CNTNAP5: variants seen among roughly 807,000 people sequenced by gnomAD.
CNTNAP5 encodes contactin-associated protein-like 5.
CNTNAP5 carries 72 observed loss-of-function variants against 150.2 expected under a neutral mutation model. The ratio of observed to expected loss-of-function variants is 0.48; its 90% CI spans 0.40 to 0.58. The LOEUF is 0.58. CNTNAP5 is among the 20% of genes least tolerant of loss of function. The pLI, the probability that CNTNAP5 is intolerant of heterozygous loss-of-function variation, is 0.00. For missense variants in CNTNAP5, 1,636 were observed against 1,626.2 expected (o/e 1.01, Z -0.10); for synonymous variants, 672 against 619.8 (o/e 1.08, Z -1.25).
intron 21 of CNTNAP5, among the ~76,000 whole-genome samples, chr2:124,894,175 A>G (rs902552973): frequency 3.0e-4 from 45 of 152,266 alleles, no homozygotes; most frequent in African/African-American, 1.0e-3. Flanking sequence ...AACAAATAAA[A>G]TTTGCAATAT....
intron 5 of CNTNAP5, among the ~76,000 whole-genome samples, chr2:124,439,751 A>C (rs1692629040): frequency 6.6e-6 from 1 of 152,140 alleles, no homozygotes. Flanking sequence ...CGTATTGCCC[A>C]ACAAAGTTGA....
chr2:124,094,870 G>A (rs1431477836), intron 1 of CNTNAP5, among the ~76,000 whole-genome samples: 15 of 152,144 alleles, frequency 9.9e-5, no homozygotes, highest in Admixed American at 9.8e-4. Context: ...AGGGGTCAGT[G>A]TGAGACTATG....
At chr2:124,059,230 C>T (rs1681936763) in intron 1 of CNTNAP5, among the ~76,000 whole-genome samples, 1 of 151,974 alleles carries the variant, frequency 6.6e-6, no homozygotes, top group African/African-American at 2.4e-5. Flanking sequence ...TTAAAATTTC[C>T]AAAAACTAAT....
intron 10 of CNTNAP5, among the ~76,000 whole-genome samples, chr2:124,539,137 T>C (rs1695317959): frequency 6.6e-6 from 1 of 152,142 alleles, no homozygotes; most frequent in African/African-American, 2.4e-5. Context: ...ATGTTTTCAG[T>C]TGGGAAAAAG....
Position 124,268,825 on chromosome 2 carries a change from C to A in CNTNAP5, c.381+26432C>A, listed in dbSNP as rs150839097. ...TTTCACTGGGAGAGTCCTTCACAGG[C>A]CCACAAGTGAGCTTAGAGCCCTTTG... On this transcript the variant is annotated intron_variant, in intron 3 of 23. Coordinates refer to ENST00000682447, the MANE Select transcript of CNTNAP5 (RefSeq NM_001367498.1). Among the ~76,000 whole-genome samples the A allele has an allele frequency of 1.1e-3, 160 of 152,244 alleles. 1 individual carries two copies. The highest frequency in any genetic ancestry group is 3.7e-3 in the African/African-American group (154 of 41,556).
chr2:124,564,840 T>C (rs1352667420), intron 11 of CNTNAP5, among the ~76,000 whole-genome samples: 1 of 152,158 alleles, frequency 6.6e-6, no homozygotes, highest in Non-Finnish European at 1.5e-5. Context: ...AATTAGAAAT[T>C]TGAAATTGGC....
chr2:124,799,620 C>T (rs1681924391), intron 19 of CNTNAP5, among the ~76,000 whole-genome samples: 1 of 152,198 alleles, frequency 6.6e-6, no homozygotes, highest in Non-Finnish European at 1.5e-5. Context: ...GAGTCCTCTC[C>T]AGGCCTTATG....
intron 13 of CNTNAP5, among the ~76,000 whole-genome samples, chr2:124,651,966 T>C (rs1678332601): frequency 6.6e-6 from 1 of 152,178 alleles, no homozygotes; most frequent in African/African-American, 2.4e-5. Flanking sequence ...GTTCCATTCA[T>C]TTAGCAGCGG....
chr2:124,801,018 G>A (rs1448490940), intron 19 of CNTNAP5, among the ~76,000 whole-genome samples: 3 of 151,980 alleles, frequency 2.0e-5, no homozygotes, highest in Admixed American at 2.0e-4. Flanking sequence ...TAGAGTGTCC[G>A]CCTTCCCCAC....
Position 124,763,733 on chromosome 2 carries a change from A to G in CNTNAP5, c.2296A>G (p.Thr766Ala), listed in dbSNP as rs1221159953. Reference protein sequence around the residue: ...DHLPVTQIVITDTDRSNSEAA... With the variant: ...DHLPVTQIVIADTDRSNSEAA... ...CTTGCCTGTCACTCAGATAGTTATCACTGATACCGACAGATCAAACTCAGA... is the reference window on the plus strand; with the variant it reads ...CTTGCCTGTCACTCAGATAGTTATCGCTGATACCGACAGATCAAACTCAGA... Residue 766 changes from threonine (T) to alanine (A), a missense_variant, in exon 15 of 24, where the codon ACT (threonine) becomes GCT (alanine). By Grantham distance (58) the Thr-to-Ala change is moderately conservative. Transcript: ENST00000682447. 9 of 1,613,030 alleles carry G rather than the reference A, an allele frequency of 5.6e-6. No individual in the cohort carries two copies. In the East Asian group the frequency reaches 2.0e-4, roughly 36 times the overall value.
chr2:124,175,477 C>A (rs757625023), intron 1 of CNTNAP5, among the ~76,000 whole-genome samples: 1 of 151,964 alleles, frequency 6.6e-6, no homozygotes, highest in African/African-American at 2.4e-5. Flanking sequence ...ATGGGGTACA[C>A]GTACAAGTTT....
chr2:124,400,333 A>C (rs1691374052), intron 3 of CNTNAP5, among the ~76,000 whole-genome samples: 1 of 152,136 alleles, frequency 6.6e-6, no homozygotes, highest in Non-Finnish European at 1.5e-5. Context: ...CAAGACAGAG[A>C]GAAAGAGAAA....
At chr2:124,067,490 T>A (rs894596218) in intron 1 of CNTNAP5, among the ~76,000 whole-genome samples, 2 of 152,214 alleles carry the variant, frequency 1.3e-5, no homozygotes, top group Non-Finnish European at 2.9e-5. Flanking sequence ...TCCTATAAGA[T>A]AAGTGTAATT....
At chr2:124,312,013 G>A (rs1688842936) in intron 3 of CNTNAP5, among the ~76,000 whole-genome samples, 1 of 152,162 alleles carries the variant, frequency 6.6e-6, no homozygotes, top group Non-Finnish European at 1.5e-5. Context: ...AATGTGATGT[G>A]GAAAGGAAAC....
intron 7 of CNTNAP5, among the ~76,000 whole-genome samples, chr2:124,485,082 A>G (rs1003926418): frequency 6.0e-5 from 9 of 148,896 alleles, no homozygotes; most frequent in African/African-American, 2.0e-4. Flanking sequence ...AGACATCTCT[A>G]TGTGTCAAGT....
intron 1 of CNTNAP5, among the ~76,000 whole-genome samples, chr2:124,119,355 C>T (rs1233443590): frequency 9.8e-6 from 1 of 102,378 alleles, no homozygotes; most frequent in African/African-American, 3.2e-5. Flanking sequence ...TTCTTAAGAG[C>T]AGGAAGCTTT....
intron 19 of CNTNAP5, among the ~76,000 whole-genome samples, chr2:124,862,039 C>T (rs1204792688): frequency 6.6e-6 from 1 of 152,188 alleles, no homozygotes; most frequent in Non-Finnish European, 1.5e-5. Flanking sequence ...GTCTCGAACT[C>T]CTGACCTCAG....
chr2:124,305,301 G>T (rs372787540), intron 3 of CNTNAP5, among the ~76,000 whole-genome samples: 2 of 151,868 alleles, frequency 1.3e-5, no homozygotes, highest in African/African-American at 4.8e-5. Flanking sequence ...AGGTGACACT[G>T]CAAATGGCAC....
At chr2:124,897,985 G>T (rs2104755048) in intron 21 of CNTNAP5, among the ~76,000 whole-genome samples, 1 of 149,364 alleles carries the variant, frequency 6.7e-6, no homozygotes, top group Middle Eastern at 3.4e-3. Context: ...GTGTATGTGT[G>T]TGTAACTAAA....
Sources: gnomAD v4.1 joint callset for allele counts (sites outside exome capture counted in the v4.1 genomes callset) on GRCh38, gnomAD v4.1.1 for gene constraint, MANE v1.5 for transcripts, NCBI Gene and HGNC (gene_info 2026-07-23, HGNC 2026-07-21) for gene names.